DHRS11: variants seen among roughly 807,000 people sequenced by gnomAD.
The protein encoded by DHRS11 is dehydrogenase/reductase 11, also known as dehydrogenase/reductase SDR family member 11.
DHRS11 carries 18 observed loss-of-function variants against 30.7 expected under a neutral mutation model. The observed-to-expected ratio is 0.59, with a 90% confidence interval of 0.41 to 0.87. The LOEUF (loss-of-function observed/expected upper bound fraction) is 0.87. Among genes scored for constraint, DHRS11 ranks in the 40% least tolerant of loss-of-function variants. DHRS11 has a pLI of 0.00. For missense variants in DHRS11, 300 were observed against 349.0 expected, an observed-to-expected ratio of 0.86 and a Z score of 1.12; for synonymous variants, 123 against 139.6, an observed-to-expected ratio of 0.88 and a Z score of 0.84.
At chr17:36,597,122 T>G (rs1398876431) in intron 2 of DHRS11, 2 of 278,192 alleles carry the variant, frequency 7.2e-6, no homozygotes, top group East Asian at 1.8e-4. Flanking sequence ...GATCTATTTC[T>G]CCCACTCTAC....
rs781548192 is a variant in DHRS11 at position 36,595,008 on chromosome 17, G to T, written c.185G>T (p.Gly62Val). 1 of 1,614,166 alleles carries T rather than the reference G, an allele frequency of 6.2e-7. No homozygotes were observed. The highest frequency in any genetic ancestry group is 2.2e-5 in the East Asian group (1 of 44,886). Residue 62 changes from glycine (G) to valine (V), a missense_variant, in exon 2 of 7, where the codon GGG (glycine) becomes GTG (valine). By Grantham distance (109) the Gly-to-Val change is moderately radical. Coordinates refer to ENST00000618403, the MANE Select transcript of DHRS11 (RefSeq NM_024308.4). ...AAECKSAGYP[G>V]TLIPYRCDLS... ...GAATGTAAGAGTGCAGGCTACCCCG[G>T]GACTTTGATCCCCTACAGATGTGAC...
intron 1 of DHRS11, among the ~76,000 whole-genome samples, chr17:36,593,044 C>G (rs565280573): frequency 6.6e-5 from 10 of 152,208 alleles, no homozygotes; most frequent in African/African-American, 2.4e-4. Flanking sequence ...CCAGATAATC[C>G]CAAGGTCACC....
At position 36,597,109 on chromosome 17, in the gene DHRS11, G is replaced by A. The variant is rs555221277; in HGVS notation, c.358-1054G>A. On this transcript the variant is annotated intron_variant, in intron 2 of 6. Transcript: ENST00000618403. ...TGGGAGATTTACTCACCTGGTCCCA[G>A]GGGATCTATTTCTCCCACTCTACCT... 1.2e-4 allele frequency: 33 copies of A among 281,902 alleles called. 1 individual carries two copies. Among genetic ancestry groups the A allele is most frequent in the South Asian group, 1.0e-3 (30 of 28,972 alleles). 17.5% of individuals were successfully genotyped at this position (281,902 alleles called of 1,614,324 possible). A position where few individuals can be genotyped will look rare whatever the true frequency, so the allele number is the denominator to read the frequency against.
chr17:36,595,302 C>T (rs2074801345), intron 2 of DHRS11, 122 bp downstream of exon 2: 4 of 1,007,682 alleles, frequency 4.0e-6, no homozygotes, highest in Non-Finnish European at 4.4e-6. Context: ...TTCGGGTTCC[C>T]ACCTGGGGCA....
rs1410035807 is a variant in DHRS11 at position 36,591,932 on chromosome 17, G to GCAGGAGAGCGGCCGGGCGT, written c.-74_-56dup. ...GGACCCAAGCAGGTCGGCGGCGGCG[G>GCAGGAGAGCGGCCGGGCGT]CAGGAGAGCGGCCGGGCGTCAGCTC... On this transcript the variant is annotated 5_prime_UTR_variant, in exon 1 of 7. Transcript: ENST00000618403. 1 of 1,212,196 alleles carries GCAGGAGAGCGGCCGGGCGT rather than the reference G, an allele frequency of 8.2e-7. No homozygotes were observed. The highest frequency in any genetic ancestry group is 1.0e-6 in the Non-Finnish European group (1 of 974,170). 75.1% of individuals were successfully genotyped at this position (1,212,196 alleles called of 1,614,324 possible).
At chr17:36,598,739 T>G (rs1429336898) in intron 3 of DHRS11, 182 bp from the exon 4 acceptor site, 2 of 711,034 alleles carry the variant, frequency 2.8e-6, no homozygotes, top group Admixed American at 3.2e-5. Flanking sequence ...AAAGGAGGGT[T>G]TTCCAAAGCT....
In DHRS11 at chr17:36,598,201, C is replaced by T. The variant is rs371247774; in HGVS notation, c.396C>T (p.Ala132=). Residue 132 remains alanine (A), a synonymous_variant, in exon 3 of 7, where the codon GCC becomes GCT. Transcript: ENST00000618403. ...CCCTCAGCATCTGCACACGGGAAGCCTACCAGTCCATGAAGGAGCGGAATG... is the reference window on the plus strand; with the variant it reads ...CCCTCAGCATCTGCACACGGGAAGCTTACCAGTCCATGAAGGAGCGGAATG... ...VLALSICTRE[A]YQSMKERNVD... is the part of the protein sequence containing the mutation. 2 of 1,614,118 alleles carry T rather than the reference C, an allele frequency of 1.2e-6. No individual in the cohort carries two copies. Among genetic ancestry groups the T allele is most frequent in the Admixed American group, 1.7e-5 (1 of 60,018 alleles).
At position 36,598,262 on chromosome 17, in the gene DHRS11, G is replaced by A; in HGVS notation, c.452+5G>A. 1 of 1,613,852 alleles carries A rather than the reference G, an allele frequency of 6.2e-7. No homozygotes were observed. Among genetic ancestry groups the A allele is most frequent in the South Asian group, 1.1e-5 (1 of 91,070 alleles). On this transcript the variant is annotated splice_donor_5th_base_variant and intron_variant, in intron 3 of 6. Transcript: ENST00000618403. ...GCACATCATTAACATCAATAGGTGAGGGCAGGTGGCCAATGGGTACCACTC... is the reference window on the plus strand; with the variant it reads ...GCACATCATTAACATCAATAGGTGAAGGCAGGTGGCCAATGGGTACCACTC...
At chr17:36,599,874 T>C (rs2074843058) in intron 5 of DHRS11, 98 bp from the exon 6 acceptor site, 2 of 1,579,174 alleles carry the variant, frequency 1.3e-6, no homozygotes, top group Non-Finnish European at 1.7e-6. Flanking sequence ...TCCTGGAGGG[T>C]TGGGGTGGAT....
At position 36,600,634 on chromosome 17, in the gene DHRS11, C is replaced by T. The variant is rs1241233593; in HGVS notation, c.*431C>T. On this transcript the variant is annotated 3_prime_UTR_variant, in exon 7 of 7. Coordinates refer to ENST00000618403, the MANE Select transcript of DHRS11 (RefSeq NM_024308.4). ...CAGACTTCCTCCTCTGCCTGCCCCA[C>T]TGCACCCTCTCCCCCTTATCTATCT... The T allele has an allele frequency of 3.8e-6, 1 of 260,834 alleles. No individual in the cohort carries two copies. Among genetic ancestry groups the T allele is most frequent in the Non-Finnish European group, 7.5e-6 (1 of 134,020 alleles). 16.2% of individuals were successfully genotyped at this position (260,834 alleles called of 1,614,324 possible). A position where few individuals can be genotyped will look rare whatever the true frequency, so the allele number is the denominator to read the frequency against.
Position 36,592,236 on chromosome 17 carries a change from C to A in DHRS11, c.147+80C>A. On this transcript the variant is annotated intron_variant, in intron 1 of 6. Transcript: ENST00000618403. The surrounding 1 kb of genome is among the most constrained non-coding windows in gnomAD (Gnocchi z 4.4). Reference sequence around the variant, plus strand: ...GGTTCACCTGCCCGCCACGCCGGGGCCCTTTGCTCTAGTCGGGGCGGCCTC... The same window carrying A: ...GGTTCACCTGCCCGCCACGCCGGGGACCTTTGCTCTAGTCGGGGCGGCCTC... The A allele has an allele frequency of 3.3e-6, 4 of 1,226,282 alleles. No individual in the cohort carries two copies. The highest frequency in any genetic ancestry group is 4.1e-6 in the Non-Finnish European group (4 of 982,480). The allele number at this position is 1,226,282 out of a possible 1,614,324, so 76.0% of individuals were successfully genotyped here.
intron 4 of DHRS11, 113 bp from the exon 5 acceptor site, chr17:36,599,558 A>G (rs1248393569): frequency 2.8e-6 from 3 of 1,070,084 alleles, no homozygotes; most frequent in Non-Finnish European, 2.8e-6. Context: ...GCTGCCGGAT[A>G]TCAGGCAGCC....
chr17:36,599,360 A>G, intron 4 of DHRS11: 2 of 551,278 alleles, frequency 3.6e-6, no homozygotes, highest in Non-Finnish European at 6.4e-6. Flanking sequence ...TCTTCTCTTG[A>G]AGGCCGCATG....
rs889613757 is a variant in DHRS11, at chr17:36,599,548, G to A, written c.583-123G>A. 1.4e-4 allele frequency: 133 copies of A among 947,208 alleles called. 1 individual carries two copies. The highest frequency in any genetic ancestry group is 1.1e-3 in the East Asian group (43 of 40,708). 58.7% of individuals were successfully genotyped at this position (947,208 alleles called of 1,614,324 possible). On this transcript the variant is annotated intron_variant, in intron 4 of 6. Coordinates refer to ENST00000618403, the MANE Select transcript of DHRS11 (RefSeq NM_024308.4). ...GTGGCAGCTTCGGAGGGAGGAGGCC[G>A]CTGCCGGATATCAGGCAGCCATCAC...
At position 36,600,395 on chromosome 17, in the gene DHRS11, G is replaced by A. The variant is rs779711493; in HGVS notation, c.*192G>A. ...AGTTGTAAATGTGAAAAATGGGCTG[G>A]GGAAAGGAGGTGGTGTCCCTAATTG... On this transcript the variant is annotated 3_prime_UTR_variant, in exon 7 of 7. Coordinates refer to ENST00000618403, the MANE Select transcript of DHRS11 (RefSeq NM_024308.4). 4 of 674,636 alleles carry A rather than the reference G, an allele frequency of 5.9e-6. No homozygotes were observed. The highest frequency in any genetic ancestry group is 1.0e-5 in the Non-Finnish European group (4 of 398,802). 41.8% of individuals were successfully genotyped at this position (674,636 alleles called of 1,614,324 possible).
chr17:36,598,843 T>C (rs1296917140), intron 3 of DHRS11, 78 bp from the exon 4 acceptor site: 9 of 1,537,682 alleles, frequency 5.9e-6, no homozygotes, highest in Non-Finnish European at 7.0e-6. Context: ...GTGGTGGGGC[T>C]GACCGGGTAC....
At chr17:36,597,855 G>A (rs557398391) in intron 2 of DHRS11, 11 of 508,162 alleles carry the variant, frequency 2.2e-5, no homozygotes, top group South Asian at 2.0e-4. Flanking sequence ...TGTTCATAGA[G>A]GAGATGGCCA....
At chr17:36,597,990 G>A (rs2074824576) in intron 2 of DHRS11, 173 bp from the exon 3 acceptor site, 2 of 668,016 alleles carry the variant, frequency 3.0e-6, no homozygotes, top group African/African-American at 3.6e-5. Context: ...TTTAGGGAGA[G>A]GGGCATCTCG....
chr17:36,594,797 C>T (rs1012554812), intron 1 of DHRS11, 174 bp from the exon 2 acceptor site: 1 of 648,250 alleles, frequency 1.5e-6, no homozygotes, highest in Non-Finnish European at 2.7e-6. Context: ...ATCCCTTAGA[C>T]TTTGACCAAA....
Sources: allele counts gnomAD v4.1 joint callset (sites outside exome capture counted in the v4.1 genomes callset), GRCh38; gene constraint gnomAD v4.1.1; non-coding constraint Gnocchi (gnomAD v3.1); transcripts MANE v1.5; gene names NCBI Gene and HGNC (gene_info 2026-07-23, HGNC 2026-07-21).